The following ELAVL4 variants were observed in gnomAD, a reference collection of about 807,000 sequenced individuals.
ELAVL4 encodes ELAV-like protein 4.
A neutral mutation model predicts 35.6 loss-of-function variants in ELAVL4; 1 was observed. The ratio of observed to expected loss-of-function variants is 0.03; its 90% CI spans 0.01 to 0.13. The LOEUF (loss-of-function observed/expected upper bound fraction) is 0.13. Among genes scored for constraint, ELAVL4 ranks in the 10% least tolerant of loss-of-function variants. The probability of loss-of-function intolerance (pLI) is 1.00; values close to 1 mark genes in which losing one functional copy is unlikely to be tolerated. For synonymous variants in ELAVL4, 156 were observed against 171.0 expected (o/e 0.91, Z 0.69); for missense variants, 267 against 464.9 (o/e 0.57, Z 3.91).
intron 1 of ELAVL4, among the ~76,000 whole-genome samples, chr1:50,076,661 C>T (rs1254589394): frequency 6.6e-6 from 1 of 151,966 alleles, no homozygotes; most frequent in Non-Finnish European, 1.5e-5. Flanking sequence ...ATGAGATAGA[C>T]CTGGGCCTGG....
At chr1:50,160,193 C>T (rs558092510) in intron 2 of ELAVL4, among the ~76,000 whole-genome samples, 3 of 152,296 alleles carry the variant, frequency 2.0e-5, no homozygotes, top group East Asian at 1.9e-4. Context: ...ACATCTGCCA[C>T]GTACTTGACT....
chr1:50,121,158 G>T (rs559068642), intron 1 of ELAVL4, among the ~76,000 whole-genome samples: 11 of 152,166 alleles, frequency 7.2e-5, no homozygotes, highest in African/African-American at 2.6e-4. Flanking sequence ...GAACTACAGA[G>T]TTAGACTTGT....
chr1:50,167,038 C>T (rs183672774), intron 2 of ELAVL4, among the ~76,000 whole-genome samples: 194 of 152,208 alleles, frequency 1.3e-3, no homozygotes, highest in Middle Eastern at 6.8e-3. Flanking sequence ...GTGAGTGGTG[C>T]CACTTCCACT....
chr1:50,147,038 A>G (rs866321060), intron 2 of ELAVL4, among the ~76,000 whole-genome samples: 4 of 152,106 alleles, frequency 2.6e-5, no homozygotes, highest in African/African-American at 7.2e-5. Context: ...TTTGGTATAC[A>G]AAACCAAAAT....
At chr1:50,191,137 G>A (rs955384507) in intron 3 of ELAVL4, among the ~76,000 whole-genome samples, 3 of 152,190 alleles carry the variant, frequency 2.0e-5, no homozygotes, top group Non-Finnish European at 2.9e-5. Flanking sequence ...TGCCTCTTAT[G>A]TGTTGTCTGT....
At chr1:50,115,782 T>C (rs1238553450) in intron 1 of ELAVL4, among the ~76,000 whole-genome samples, 1 of 152,176 alleles carries the variant, frequency 6.6e-6, no homozygotes. Flanking sequence ...TGTCATTCCT[T>C]GTTGGGTGAA....
chr1:50,114,166 A>G (rs1382965145), intron 1 of ELAVL4, among the ~76,000 whole-genome samples: 1 of 152,162 alleles, frequency 6.6e-6, no homozygotes, highest in Admixed American at 6.5e-5. Context: ...GCTAAAAGCC[A>G]TCCCTTCAAT....
intron 1 of ELAVL4, among the ~76,000 whole-genome samples, chr1:50,076,280 G>A (rs1664759005): frequency 6.6e-6 from 1 of 152,098 alleles, no homozygotes; most frequent in Non-Finnish European, 1.5e-5. Context: ...GTGACCCTTG[G>A]TACTTGACCT....
intron 1 of ELAVL4, among the ~76,000 whole-genome samples, chr1:50,072,294 C>T (rs1664565519): frequency 6.6e-6 from 1 of 152,186 alleles, no homozygotes; most frequent in South Asian, 2.1e-4. Flanking sequence ...AATTCCTGTC[C>T]ATCTTGTGAA....
intron 2 of ELAVL4, among the ~76,000 whole-genome samples, chr1:50,166,176 A>G (rs1677888425): frequency 6.6e-6 from 1 of 152,070 alleles, no homozygotes; most frequent in South Asian, 2.1e-4. Flanking sequence ...CCTTCAATCC[A>G]ATCAAGTTGA....
chr1:50,161,487 GT>G (rs879748666), intron 2 of ELAVL4, among the ~76,000 whole-genome samples: 97 of 151,030 alleles, frequency 6.4e-4, no homozygotes, highest in African/African-American at 1.6e-3. Context: ...TTCCTTTTCA[GT>G]TTTTTTTTAA....
intron 5 of ELAVL4, 69 bp downstream of exon 5, chr1:50,195,855 C>T: frequency 6.3e-7 from 1 of 1,576,874 alleles, no homozygotes; most frequent in Non-Finnish European, 8.7e-7. Flanking sequence ...CAGGGAAGCC[C>T]ATGGTCCTGA....
chr1:50,184,940 T>C (rs1681604580), intron 3 of ELAVL4, among the ~76,000 whole-genome samples: 1 of 152,258 alleles, frequency 6.6e-6, no homozygotes, highest in Admixed American at 6.5e-5. Flanking sequence ...TGGCTATTTA[T>C]ATTTGAATTT....
intron 1 of ELAVL4, among the ~76,000 whole-genome samples, chr1:50,116,027 T>C (rs1667884292): frequency 6.6e-6 from 1 of 152,114 alleles, no homozygotes; most frequent in South Asian, 2.1e-4. Context: ...ATGTCTTTCC[T>C]TCTGTATTTA....
chr1:50,184,398 C>CAAAA (rs33990892), intron 3 of ELAVL4, among the ~76,000 whole-genome samples: 3 of 141,924 alleles, frequency 2.1e-5, no homozygotes, highest in African/African-American at 7.9e-5. Flanking sequence ...TGAGCTGCTT[C>CAAAA]AAAAAAAAAA....
At chr1:50,158,418 TG>T (rs1478970791) in intron 2 of ELAVL4, among the ~76,000 whole-genome samples, 1 of 152,178 alleles carries the variant, frequency 6.6e-6, no homozygotes, top group Non-Finnish European at 1.5e-5. Context: ...TTTGTGTGTG[TG>T]TGTGTCTGCA....
rs1192721102 is a variant in ELAVL4 at position 50,201,265 on chromosome 1, G to A, written c.*87G>A. ...CACACACACACATACACGAAAGAGA[G>A]AGAAACAAACTTTTCAAGGCTTATA... On this transcript the variant is annotated 3_prime_UTR_variant, in exon 7 of 7. Transcript: ENST00000371824. The surrounding 1 kb of genome is among the most constrained non-coding windows in gnomAD (Gnocchi z 4.3). 1.4e-6 allele frequency: 2 copies of A among 1,402,068 alleles called. No homozygotes were observed. The highest frequency in any genetic ancestry group is 1.5e-5 in the African/African-American group (1 of 68,314). 86.9% of individuals were successfully genotyped at this position (1,402,068 alleles called of 1,614,324 possible).
chr1:50,176,740 C>T (rs992098144), intron 2 of ELAVL4, among the ~76,000 whole-genome samples: 6 of 152,228 alleles, frequency 3.9e-5, no homozygotes, highest in African/African-American at 1.4e-4. Flanking sequence ...GTTTAAGTCT[C>T]TTCTGACAAA....
chr1:50,202,512 TG>T lies in ELAVL4; in HGVS notation c.*1335del, dbSNP rs1236142320. On this transcript the variant is annotated 3_prime_UTR_variant, in exon 7 of 7. Transcript: ENST00000371824. The stretch of plus-strand genomic sequence containing the variant: ...GGTACATTTGAAACACTGTTTATGT[TG>T]CTTGAAACACTTATTTATTTAATCG... The T allele has an allele frequency of 1.3e-5, 2 of 152,188 alleles. No individual in the cohort carries two copies. Among genetic ancestry groups the T allele is most frequent in the Non-Finnish European group, 2.9e-5 (2 of 68,024 alleles). 9.4% of individuals were successfully genotyped at this position (152,188 alleles called of 1,614,324 possible). A position where few individuals can be genotyped will look rare whatever the true frequency, so the allele number is the denominator to read the frequency against.
Sources: allele counts gnomAD v4.1 joint callset (sites outside exome capture counted in the v4.1 genomes callset), GRCh38; gene constraint gnomAD v4.1.1; non-coding constraint Gnocchi (gnomAD v3.1); transcripts MANE v1.5; gene names NCBI Gene and HGNC (gene_info 2026-07-23, HGNC 2026-07-21).